CYLD: variants seen among roughly 807,000 people sequenced by gnomAD.
The protein encoded by CYLD is CYLD lysine 63 deubiquitinase, also known as ubiquitin carboxyl-terminal hydrolase CYLD.
CYLD carries 26 observed loss-of-function variants against 104.5 expected under a neutral mutation model. The observed-to-expected ratio is 0.25, with a 90% CI of 0.18 to 0.35. The LOEUF is 0.35. Ranked by LOEUF, CYLD falls within the 10% of genes least tolerant of loss-of-function variation. CYLD has a pLI of 1.00. For missense variants in CYLD, 703 were observed against 1,136.1 expected (o/e 0.62, Z 5.48); for synonymous variants, 385 against 399.9 (o/e 0.96, Z 0.45).
In CYLD at chr16:50,784,383, G is replaced by T; in HGVS notation, c.1881G>T (p.Lys627Asn). ...CTGTGTTACTTAGACCCAAAGAAAA[G>T]AACGATGTAGAATATTATAGTGAAA... The part of the protein sequence containing the change: ...LDTVLLRPKE[K>N]NDVEYYSETQ... Residue 627 changes from lysine to asparagine, a missense_variant, in exon 12 of 19, where the codon AAG (lysine) becomes AAT (asparagine). Lys to Asn is a moderately conservative substitution (Grantham distance 94). This residue lies in a region of CYLD where 125 missense variants were observed against 325.4 expected (regional missense o/e 0.38). Coordinates refer to ENST00000427738, the MANE Select transcript of CYLD (RefSeq NM_001378743.1). 1 of 1,613,422 alleles carries T rather than the reference G, an allele frequency of 6.2e-7. No homozygotes were observed.
chr16:50,776,273 T>C lies in CYLD; in HGVS notation c.1017T>C (p.Ala339=), dbSNP rs756404756. The change falls in exon 7 of 19, where the codon GCT becomes GCC. Residue 339 remains alanine (A), a synonymous_variant. Coordinates refer to ENST00000427738, the MANE Select transcript of CYLD (RefSeq NM_001378743.1). The part of the protein sequence containing the change: ...KGSSSHNKPK[A]TGSTSDPGNR... ...CATCCAGTCATAATAAACCAAAGGC[T>C]ACAGGTATGGATTAATAGCATATAA... 6.2e-7 allele frequency: 1 copy of C among 1,607,188 alleles called. No individual in the cohort carries two copies. The highest frequency in any genetic ancestry group is 2.2e-5 in the East Asian group (1 of 44,834).
Position 50,749,781 on chromosome 16 carries a change from G to A in CYLD, c.83G>A (p.Cys28Tyr). The A allele has an allele frequency of 1.9e-6, 3 of 1,613,860 alleles. No homozygotes were observed. Among genetic ancestry groups the A allele is most frequent in the Non-Finnish European group, 2.5e-6 (3 of 1,179,962 alleles). Residue 28 changes from cysteine to tyrosine, a missense_variant, in exon 3 of 19, where the codon TGC becomes TAC. Cys to Tyr is a radical substitution (Grantham distance 194, BLOSUM62 -2). Transcript: ENST00000427738. Reference protein sequence around the residue: ...ERIFYLLLQECSVTDKQTQKL... With the variant: ...ERIFYLLLQEYSVTDKQTQKL... ...ATTTTTTACTTGCTTCTTCAAGAAT[G>A]CAGCGTTACAGACAAACAAACACAA...
At chr16:50,777,770 A>C in intron 7 of CYLD, 55 bp from the exon 8 acceptor site, 1 of 905,586 alleles carries the variant, frequency 1.1e-6, no homozygotes, top group South Asian at 1.4e-5. Context: ...ACTAAAAAAA[A>C]ACTTTGATGC....
Position 50,752,773 on chromosome 16 carries a change from C to T in CYLD, c.807+867C>T, listed in dbSNP as rs550468089. Among the ~76,000 whole-genome samples the T allele has an allele frequency of 1.2e-4, 19 of 152,262 alleles. 1 individual carries two copies. The highest frequency in any genetic ancestry group is 4.6e-4 in the African/African-American group (19 of 41,526). ...AAGAGTGGAATCATACAACATTTGA[C>T]CTTTTGTTTGTGTCACTTATTTTTA... On this transcript the variant is annotated intron_variant, in intron 4 of 18. Transcript: ENST00000427738.
intron 5 of CYLD, among the ~76,000 whole-genome samples, chr16:50,765,729 A>G (rs1968431753): frequency 6.6e-6 from 1 of 152,218 alleles, no homozygotes; most frequent in Non-Finnish European, 1.5e-5. Context: ...AATGATAAAA[A>G]AGCAAAACAG....
At chr16:50,765,200 A>G (rs976984422) in intron 5 of CYLD, among the ~76,000 whole-genome samples, 5 of 152,000 alleles carry the variant, frequency 3.3e-5, no homozygotes, top group Non-Finnish European at 7.4e-5. Flanking sequence ...TGTCAATGCC[A>G]TTTTTCCAAT....
At chr16:50,776,560 T>C (rs1969704687) in intron 7 of CYLD, among the ~76,000 whole-genome samples, 1 of 152,228 alleles carries the variant, frequency 6.6e-6, no homozygotes, top group Admixed American at 6.5e-5. Context: ...TTTGTATGTA[T>C]AGTTTAGGAT....
intron 14 of CYLD, 22 bp downstream of exon 14, chr16:50,787,874 A>C (rs1377330199): frequency 7.5e-7 from 1 of 1,334,054 alleles, no homozygotes; most frequent in Non-Finnish European, 1.1e-6. Context: ...ATTGTTCTAG[A>C]AGCATTGGAA....
intron 2 of CYLD, chr16:50,744,767 A>G (rs1966032772): frequency 6.6e-6 from 1 of 152,384 alleles, no homozygotes; most frequent in Non-Finnish European, 1.5e-5. Flanking sequence ...TTCATGTAAA[A>G]CATATTTCCT....
chr16:50,747,379 A>G (rs942509234), intron 2 of CYLD, among the ~76,000 whole-genome samples: 2 of 152,242 alleles, frequency 1.3e-5, no homozygotes, highest in Non-Finnish European at 2.9e-5. Flanking sequence ...TGCAAGGGAA[A>G]ACTCTAGACA....
intron 5 of CYLD, among the ~76,000 whole-genome samples, chr16:50,758,648 A>G (rs1316643967): frequency 6.6e-6 from 1 of 152,142 alleles, no homozygotes; most frequent in Non-Finnish European, 1.5e-5. Flanking sequence ...TAATGTAAAG[A>G]TCCCATCAAG....
At chr16:50,781,772 T>C (rs74017802) in intron 10 of CYLD, among the ~76,000 whole-genome samples, 5,203 of 152,068 alleles carry the variant, frequency 0.034, 285 homozygotes, top group African/African-American at 0.12. Context: ...CAGCAGTGAG[T>C]GTATCTTACA....
chr16:50,777,722 A>G (rs762868262), intron 7 of CYLD, 103 bp from the exon 8 acceptor site: 5 of 716,612 alleles, frequency 7.0e-6, no homozygotes, highest in Non-Finnish European at 1.3e-5. Flanking sequence ...TTGGTTATGT[A>G]AACAGTTATT....
intron 7 of CYLD, among the ~76,000 whole-genome samples, chr16:50,776,848 A>G (rs945641717): frequency 2.0e-5 from 3 of 152,200 alleles, no homozygotes; most frequent in African/African-American, 7.2e-5. Context: ...GTTAACTCAG[A>G]TGCGAGTTAG....
At chr16:50,752,988 G>C (rs1966752811) in intron 4 of CYLD, among the ~76,000 whole-genome samples, 1 of 152,182 alleles carries the variant, frequency 6.6e-6, no homozygotes, top group African/African-American at 2.4e-5. Flanking sequence ...ACTAGAATGA[G>C]TTAGGAGGCG....
Position 50,791,616 on chromosome 16 carries a change from G to C in CYLD, c.2167G>C (p.Glu723Gln), listed in dbSNP as rs1597085779. The C allele has an allele frequency of 6.2e-7, 1 of 1,613,862 alleles. No individual in the cohort carries two copies. The highest frequency in any genetic ancestry group is 2.2e-5 in the East Asian group (1 of 44,818). The stretch of plus-strand genomic sequence containing the variant: ...CTATCAAATTTTTATGGAAAAAAAT[G>C]AGAAAGTTGGCGTTCCCACAATTCA... ...YFYQIFMEKN[E>Q]KVGVPTIQQL... Residue 723 changes from glutamate (E) to glutamine (Q), a missense_variant, in exon 15 of 19, where the codon GAG becomes CAG. This residue lies in a region of CYLD where 125 missense variants were observed against 325.4 expected (regional missense o/e 0.38). Coordinates refer to ENST00000427738, the MANE Select transcript of CYLD (RefSeq NM_001378743.1).
intron 5 of CYLD, among the ~76,000 whole-genome samples, chr16:50,768,236 A>G (rs1968734002): frequency 6.6e-6 from 1 of 152,192 alleles, no homozygotes; most frequent in African/African-American, 2.4e-5. Flanking sequence ...TCAACAAAAT[A>G]AAGCTTGCAA....
rs1970052927 is a variant in CYLD, at chr16:50,779,913, C to A, written c.1387C>A (p.Pro463Thr). The change falls in exon 9 of 19, where the codon CCT becomes ACT. Residue 463 changes from proline (P) to threonine (T), a missense_variant. Physicochemically the swap from Pro to Thr is conservative, Grantham distance 38. Coordinates refer to ENST00000427738, the MANE Select transcript of CYLD (RefSeq NM_001378743.1). ...PVQESPPLAMPPGNSHGLEVG... is the reference protein window; with the variant it reads ...PVQESPPLAMTPGNSHGLEVG... ...CCAAGAGAGTCCACCCTTGGCCATGCCTCCTGGGAACTCACATGGTCTAGA... is the reference window on the plus strand; with the variant it reads ...CCAAGAGAGTCCACCCTTGGCCATGACTCCTGGGAACTCACATGGTCTAGA... 1 of 1,613,864 alleles carries A rather than the reference C, an allele frequency of 6.2e-7. No homozygotes were observed. Among genetic ancestry groups the A allele is most frequent in the African/African-American group, 1.3e-5 (1 of 74,930 alleles).
chr16:50,799,761 C>G lies in CYLD; in HGVS notation c.*3253C>G, dbSNP rs1365442926. 1 of 233,174 alleles carries G rather than the reference C, an allele frequency of 4.3e-6. No individual in the cohort carries two copies. The highest frequency in any genetic ancestry group is 8.5e-6 in the Non-Finnish European group (1 of 117,994). 14.4% of individuals were successfully genotyped at this position (233,174 alleles called of 1,614,324 possible). On this transcript the variant is annotated 3_prime_UTR_variant, in exon 19 of 19. Coordinates refer to ENST00000427738, the MANE Select transcript of CYLD (RefSeq NM_001378743.1). ...TCATAGATTCAGGATTCACTACCCT[C>G]TATAGCTGGATCTTGAAAATTATCT...
Sources: allele counts gnomAD v4.1 joint callset (sites outside exome capture counted in the v4.1 genomes callset), GRCh38; gene constraint gnomAD v4.1.1; regional missense constraint gnomAD v4.1.1; transcripts MANE v1.5; gene names NCBI Gene and HGNC (gene_info 2026-07-23, HGNC 2026-07-21).